The following CUL4A variants were observed in gnomAD, a reference collection of about 807,000 sequenced individuals.
CUL4A encodes cullin 4A.
CUL4A carries 16 observed loss-of-function variants against 95.5 expected under a neutral mutation model. The observed-to-expected ratio is 0.17, with a 90% CI of 0.11 to 0.25. CUL4A has a LOEUF of 0.25. Among genes scored for constraint, CUL4A ranks in the 10% least tolerant of loss-of-function variants. The pLI, the probability that CUL4A is intolerant of heterozygous loss-of-function variation, is 1.00. For missense variants in CUL4A, 610 were observed against 937.0 expected (o/e 0.65, Z 4.56); for synonymous variants, 380 against 353.1 (o/e 1.08, Z -0.85).
intron 10 of CUL4A, among the ~76,000 whole-genome samples, chr13:113,241,688 A>G (rs1164801013): frequency 2.0e-5 from 3 of 151,492 alleles, no homozygotes; most frequent in East Asian, 3.9e-4. Flanking sequence ...CAATTTTTGT[A>G]TTTTTAGTAG....
intron 3 of CUL4A, among the ~76,000 whole-genome samples, chr13:113,220,620 T>G (rs1262978060): frequency 6.6e-6 from 1 of 152,142 alleles, no homozygotes; most frequent in Non-Finnish European, 1.5e-5. Flanking sequence ...TTTATGAGAG[T>G]CAGTAGGCGG....
At chr13:113,256,030 C>CT (rs1040979054) in intron 18 of CUL4A, among the ~76,000 whole-genome samples, 4 of 151,252 alleles carry the variant, frequency 2.6e-5, no homozygotes, top group Admixed American at 1.3e-4. Flanking sequence ...TGTATGTAAA[C>CT]TTTTTTTTTA....
chr13:113,263,705 G>C lies in CUL4A; in HGVS notation c.*123G>C. ...GTGGACATTGGAAGGCGAAGGAAGG[G>C]AGGTGGCTCCTGGGTCATCTTTCAC... On this transcript the variant is annotated 3_prime_UTR_variant, in exon 20 of 20. Coordinates refer to ENST00000375440, the MANE Select transcript of CUL4A (RefSeq NM_001008895.4). The C allele has an allele frequency of 1.8e-6, 1 of 561,718 alleles. No homozygotes were observed. Among genetic ancestry groups the C allele is most frequent in the Non-Finnish European group, 3.1e-6 (1 of 323,158 alleles). 34.8% of individuals were successfully genotyped at this position (561,718 alleles called of 1,614,324 possible).
At chr13:113,209,921 C>G (rs1471475018) in intron 1 of CUL4A, 52 bp from the exon 2 acceptor site, 2 of 1,392,062 alleles carry the variant, frequency 1.4e-6, no homozygotes, top group South Asian at 1.5e-5. Context: ...GGTGGCTACG[C>G]GGGGCGCTTC....
At chr13:113,236,616 T>G (rs982756633) in intron 8 of CUL4A, among the ~76,000 whole-genome samples, 3 of 152,154 alleles carry the variant, frequency 2.0e-5, no homozygotes, top group African/African-American at 7.2e-5. Context: ...GCTTGTGCTG[T>G]TCAGTAGGTG....
At chr13:113,247,044 GC>G (rs1196191502) in intron 15 of CUL4A, among the ~76,000 whole-genome samples, 1 of 152,176 alleles carries the variant, frequency 6.6e-6, no homozygotes, top group African/African-American at 2.4e-5. Context: ...GTCCCAGGAA[GC>G]TTTTACTCAA....
chr13:113,233,388 G>C (rs1353526934), intron 6 of CUL4A, 49 bp downstream of exon 6: 2 of 1,521,736 alleles, frequency 1.3e-6, no homozygotes, highest in Admixed American at 1.8e-5. Flanking sequence ...CCAGCTACTT[G>C]CACCAGAATA....
In CUL4A at chr13:113,235,165, T is replaced by G. The variant is rs574547874; in HGVS notation, c.848+20T>G. The G allele has an allele frequency of 1.3e-6, 2 of 1,536,896 alleles. No homozygotes were observed. Among genetic ancestry groups the G allele is most frequent in the African/African-American group, 2.7e-5 (2 of 73,650 alleles). ...CACACAGTAAGTACCGTTTGCTCGCTGAGCGTTCGTATCTTCACCATGGCT... is the reference window on the plus strand; with the variant it reads ...CACACAGTAAGTACCGTTTGCTCGCGGAGCGTTCGTATCTTCACCATGGCT... On this transcript the variant is annotated intron_variant, in intron 8 of 19. Transcript: ENST00000375440.
intron 19 of CUL4A, among the ~76,000 whole-genome samples, chr13:113,262,640 C>A (rs1029464875): frequency 3.9e-5 from 6 of 152,184 alleles, no homozygotes; most frequent in African/African-American, 1.4e-4. Context: ...CAAAATGAGA[C>A]CCCATCTCAA....
chr13:113,212,445 A>G (rs2040484902), intron 2 of CUL4A, among the ~76,000 whole-genome samples: 1 of 152,220 alleles, frequency 6.6e-6, no homozygotes, highest in African/African-American at 2.4e-5. Flanking sequence ...ATCTAGGTCT[A>G]CGATCTATGT....
chr13:113,255,013 T>A lies in CUL4A; in HGVS notation c.1919T>A (p.Ile640Asn). Reference protein sequence around the residue: ...SLACGKARVLIKSPKGKEVED... With the variant: ...SLACGKARVLNKSPKGKEVED... Reference sequence around the variant, plus strand: ...GCCTGTGGCAAAGCACGTGTGCTGATTAAAAGTCCCAAAGGAAAGGAAGTG... The same window carrying A: ...GCCTGTGGCAAAGCACGTGTGCTGAATAAAAGTCCCAAAGGAAAGGAAGTG... Residue 640 changes from isoleucine to asparagine, a missense_variant, in exon 18 of 20, where the codon ATT becomes AAT. Ile to Asn is a moderately radical substitution (Grantham distance 149, BLOSUM62 -3). Coordinates refer to ENST00000375440, the MANE Select transcript of CUL4A (RefSeq NM_001008895.4). The A allele has an allele frequency of 6.2e-7, 1 of 1,614,220 alleles. No individual in the cohort carries two copies. The highest frequency in any genetic ancestry group is 1.1e-5 in the South Asian group (1 of 91,076).
At chr13:113,213,083 T>G (rs2040511319) in intron 2 of CUL4A, among the ~76,000 whole-genome samples, 1 of 152,052 alleles carries the variant, frequency 6.6e-6, no homozygotes, top group Non-Finnish European at 1.5e-5. Flanking sequence ...TGTAGGAGAA[T>G]TAAATTCTTA....
Position 113,210,051 on chromosome 13 carries a change from G to A in CUL4A, c.227G>A (p.Ser76Asn). 1 of 1,520,782 alleles carries A rather than the reference G, an allele frequency of 6.6e-7. No individual in the cohort carries two copies. The allele number at this position is 1,520,782 out of a possible 1,614,324, so 94.2% of individuals were successfully genotyped here. Residue 76 changes from serine (S) to asparagine (N), a missense_variant, in exon 2 of 20, where the codon AGC becomes AAC. By Grantham distance (46) the Ser-to-Asn change is conservative (BLOSUM62 1). Around this residue, in one of 10 missense-constraint regions of CUL4A, gnomAD observed 168 missense variants for 185.5 expected, o/e 0.91. Transcript: ENST00000375440. Reference protein sequence around the residue: ...LHEAVRAVQSSTSIRYNLEEL... With the variant: ...LHEAVRAVQSNTSIRYNLEEL... ...GAGGCGGTGCGGGCCGTGCAGAGCA[G>A]CACCTCCATCAGGTACAACCTCGAG...
intron 2 of CUL4A, among the ~76,000 whole-genome samples, chr13:113,215,130 C>T (rs146348939): frequency 2.8e-5 from 4 of 144,604 alleles, no homozygotes; most frequent in African/African-American, 5.2e-5. Flanking sequence ...CCATGGAAGT[C>T]GCGTTCCGTG....
intron 15 of CUL4A, among the ~76,000 whole-genome samples, chr13:113,252,302 G>A (rs533533153): frequency 2.0e-5 from 3 of 152,136 alleles, no homozygotes; most frequent in Non-Finnish European, 4.4e-5. Context: ...TTGGGAGGCC[G>A]AGGCAGGAGG....
At chr13:113,238,493 G>A (rs2041614946) in intron 9 of CUL4A, among the ~76,000 whole-genome samples, 1 of 151,774 alleles carries the variant, frequency 6.6e-6, no homozygotes. Flanking sequence ...AATTGTTCCA[G>A]TGCATACTTT....
At chr13:113,218,796 A>G in intron 2 of CUL4A, 149 bp from the exon 3 acceptor site, 1 of 592,078 alleles carries the variant, frequency 1.7e-6, no homozygotes, top group Non-Finnish European at 3.0e-6. Context: ...CTTAGCCATA[A>G]TAAGTAATTT....
chr13:113,232,776 T>G (rs991634515), intron 5 of CUL4A, among the ~76,000 whole-genome samples: 1 of 151,588 alleles, frequency 6.6e-6, no homozygotes, highest in Non-Finnish European at 1.5e-5. Context: ...GGGAAGAGAG[T>G]GTACCCTGAG....
At chr13:113,219,916 A>G (rs1187707827) in intron 3 of CUL4A, 4 of 152,274 alleles carry the variant, frequency 2.6e-5, no homozygotes, top group East Asian at 3.9e-4. Context: ...TCTGGACTCA[A>G]TCTCATTCCC....
Sources: allele counts gnomAD v4.1 joint callset (sites outside exome capture counted in the v4.1 genomes callset), GRCh38; gene constraint gnomAD v4.1.1; regional missense constraint gnomAD v4.1.1; transcripts MANE v1.5; gene names NCBI Gene and HGNC (gene_info 2026-07-23, HGNC 2026-07-21).